The following CHN2 variants were observed in gnomAD, a reference collection of about 807,000 sequenced individuals.
The protein encoded by CHN2 is chimerin 2, also known as beta-chimaerin.
Under a neutral mutation model 56.3 loss-of-function variants are expected in CHN2, and 35 were observed. The ratio of observed to expected loss-of-function variants is 0.62; its 90% confidence interval spans 0.47 to 0.82. The LOEUF is 0.82. Ranked by LOEUF, CHN2 falls within the 40% of genes least tolerant of loss-of-function variation. CHN2 has a pLI of 0.00. For missense variants in CHN2, 491 were observed against 580.5 expected (o/e 0.85, Z 1.58); for synonymous variants, 210 against 212.8 (o/e 0.99, Z 0.12).
intron 6 of CHN2, among the ~76,000 whole-genome samples, chr7:29,439,224 G>T (rs1783453584): frequency 6.6e-6 from 1 of 152,138 alleles, no homozygotes; most frequent in Admixed American, 6.5e-5. Context: ...CACATATGTG[G>T]GTGCCATTGG....
intron 1 of CHN2, among the ~76,000 whole-genome samples, chr7:29,327,049 A>G (rs1795858370): frequency 6.6e-6 from 1 of 152,216 alleles, no homozygotes; most frequent in Non-Finnish European, 1.5e-5. Context: ...TCACCTTGCT[A>G]CATGGCCTCA....
At chr7:29,463,574 G>A (rs1785335405) in intron 6 of CHN2, among the ~76,000 whole-genome samples, 1 of 152,206 alleles carries the variant, frequency 6.6e-6, no homozygotes, top group Non-Finnish European at 1.5e-5. Flanking sequence ...TCATTTGGGG[G>A]TAAAGGACTG....
At chr7:29,344,601 A>G (rs1797283065) in intron 1 of CHN2, among the ~76,000 whole-genome samples, 1 of 152,046 alleles carries the variant, frequency 6.6e-6, no homozygotes, top group African/African-American at 2.4e-5. Context: ...ATCCATCCAC[A>G]TAGACACTCC....
chr7:29,416,260 ATC>A (rs1444289739), intron 6 of CHN2, among the ~76,000 whole-genome samples: 1 of 152,230 alleles, frequency 6.6e-6, no homozygotes, highest in East Asian at 1.9e-4. Context: ...TTCAAATATT[ATC>A]TCTGTTGAAT....
chr7:29,151,040 G>T (rs987476660), intron 2 of CHN2, among the ~76,000 whole-genome samples: 6 of 152,192 alleles, frequency 3.9e-5, no homozygotes, highest in Non-Finnish European at 7.3e-5. Context: ...TTCATTAAGT[G>T]AGAAGTAGGC....
intron 1 of CHN2, among the ~76,000 whole-genome samples, chr7:29,270,239 TCC>T (rs2128845519): frequency 6.6e-6 from 1 of 152,262 alleles, no homozygotes; most frequent in Non-Finnish European, 1.5e-5. Flanking sequence ...ATTGTTTCAG[TCC>T]CCACAGTTGA....
chr7:29,147,204 G>T, intron 2 of CHN2: 1 of 528,902 alleles, frequency 1.9e-6, no homozygotes, highest in Non-Finnish European at 3.3e-6. Flanking sequence ...AACTAAAAAA[G>T]GCAAGGAGGT....
At chr7:29,251,250 C>T (rs1788491394) in intron 1 of CHN2, among the ~76,000 whole-genome samples, 1 of 152,084 alleles carries the variant, frequency 6.6e-6, no homozygotes, top group Admixed American at 6.6e-5. Flanking sequence ...CCCAGCAGTT[C>T]GAGATCAGCC....
chr7:29,511,965 C>T (rs1365071907), intron 12 of CHN2, among the ~76,000 whole-genome samples: 2 of 152,046 alleles, frequency 1.3e-5, no homozygotes, highest in African/African-American at 2.4e-5. Flanking sequence ...TAGACCTCAT[C>T]CTGTGGGAAC....
At chr7:29,424,872 A>C (rs1804699016) in intron 6 of CHN2, among the ~76,000 whole-genome samples, 1 of 152,168 alleles carries the variant, frequency 6.6e-6, no homozygotes, top group African/African-American at 2.4e-5. Context: ...TGGCCCCTGG[A>C]GGCCTATTCC....
At chr7:29,428,537 A>G (rs958230334) in intron 6 of CHN2, among the ~76,000 whole-genome samples, 12 of 152,068 alleles carry the variant, frequency 7.9e-5, no homozygotes, top group African/African-American at 2.7e-4. Context: ...CTCCTTTTCC[A>G]ACTGTGTCTC....
intron 2 of CHN2, among the ~76,000 whole-genome samples, chr7:29,174,462 A>G (rs1797010352): frequency 6.6e-6 from 1 of 152,174 alleles, no homozygotes; most frequent in East Asian, 1.9e-4. Flanking sequence ...TGTCCAGACA[A>G]GGGACAGGTT....
rs183714052 is a variant in CHN2 at position 29,305,214 on chromosome 7, C to G, written c.50-49411C>G. 3.3e-3 allele frequency among the ~76,000 whole-genome samples: 509 copies of G among 152,162 alleles called. 4 individuals are homozygous for G. Among genetic ancestry groups the G allele is most frequent in the African/African-American group, 0.012 (491 of 41,506 alleles). Reference sequence around the variant, plus strand: ...GGGAAAGGGGTGTTTTTCTGAGGACCCCATGAATCATTCCAGAGAAAGAAG... The same window carrying G: ...GGGAAAGGGGTGTTTTTCTGAGGACGCCATGAATCATTCCAGAGAAAGAAG... On this transcript the variant is annotated intron_variant, in intron 1 of 12. Coordinates refer to ENST00000222792, the MANE Select transcript of CHN2 (RefSeq NM_004067.4).
intron 6 of CHN2, among the ~76,000 whole-genome samples, chr7:29,464,028 C>A (rs1436030516): frequency 6.6e-6 from 1 of 152,216 alleles, no homozygotes; most frequent in Admixed American, 6.5e-5. Flanking sequence ...CCACTCCCCA[C>A]AGTGTCACCC....
intron 2 of CHN2, among the ~76,000 whole-genome samples, chr7:29,171,443 C>T (rs574858313): frequency 3.3e-5 from 5 of 152,204 alleles, no homozygotes; most frequent in East Asian, 1.9e-4. Flanking sequence ...TTAGAAGGAG[C>T]GCCACACCTC....
chr7:29,483,768 C>A, intron 7 of CHN2: 2 of 1,131,236 alleles, frequency 1.8e-6, no homozygotes, highest in Non-Finnish European at 2.2e-6. Flanking sequence ...GCCAGCCAAC[C>A]CCAGAGGCCC....
chr7:29,460,650 C>T (rs1785097919), intron 6 of CHN2, among the ~76,000 whole-genome samples: 1 of 152,298 alleles, frequency 6.6e-6, no homozygotes, highest in East Asian at 1.9e-4. Context: ...GCTTCAGGAC[C>T]TTTCATTAGA....
chr7:29,199,775 A>T (rs1186564416), intron 1 of CHN2: 1 of 152,224 alleles, frequency 6.6e-6, no homozygotes, highest in Non-Finnish European at 1.5e-5. Context: ...AGTGTTTGAC[A>T]AGGGGGACCC....
chr7:29,244,628 C>T (rs1044441794), intron 1 of CHN2, among the ~76,000 whole-genome samples: 2 of 152,168 alleles, frequency 1.3e-5, no homozygotes, highest in African/African-American at 2.4e-5. Context: ...TGTACGTGCG[C>T]GCCATATGTT....
Sources: allele counts gnomAD v4.1 joint callset (sites outside exome capture counted in the v4.1 genomes callset), GRCh38; gene constraint gnomAD v4.1.1; transcripts MANE v1.5; gene names NCBI Gene and HGNC (gene_info 2026-07-23, HGNC 2026-07-21).